TFAP2B: variants seen among roughly 807,000 people sequenced by gnomAD.
The protein encoded by TFAP2B is transcription factor AP-2 beta.
Under a neutral mutation model 44.3 loss-of-function variants are expected in TFAP2B, and 9 were observed. That is an observed-to-expected ratio of 0.20 (90% CI 0.12 to 0.35). The LOEUF is 0.35. Among genes scored for constraint, TFAP2B ranks in the 10% least tolerant of loss-of-function variants. TFAP2B has a pLI of 1.00. For missense variants in TFAP2B, 509 were observed against 600.0 expected, an observed-to-expected ratio of 0.85 and a Z score of 1.59; for synonymous variants, 270 against 263.8, an observed-to-expected ratio of 1.02 and a Z score of -0.23.
intron 1 of TFAP2B, among the ~76,000 whole-genome samples, chr6:50,822,624 TTCATTTTCACA>T (rs1770384123): frequency 6.6e-6 from 1 of 152,208 alleles, no homozygotes; most frequent in South Asian, 2.1e-4. Context: ...CTTTAGTTCC[TTCATTTTCACA>T]TCCTGAGTAT....
chr6:50,834,811 A>AT (rs755171142), intron 3 of TFAP2B, among the ~76,000 whole-genome samples: 1 of 152,166 alleles, frequency 6.6e-6, no homozygotes, highest in Non-Finnish European at 1.5e-5. Context: ...GTTTCCAAAG[A>AT]TTTTTTGGAC....
rs1762837693 is a variant in TFAP2B at position 50,845,906 on chromosome 6, T to C, written c.*2514T>C. 2 of 152,556 alleles carry C rather than the reference T, an allele frequency of 1.3e-5. No homozygotes were observed. The highest frequency in any genetic ancestry group is 6.5e-5 in the Admixed American group (1 of 15,280). The allele number at this position is 152,556 out of a possible 1,614,324, so 9.5% of individuals were successfully genotyped here. On this transcript the variant is annotated 3_prime_UTR_variant, in exon 7 of 7. Transcript: ENST00000393655. Reference sequence around the variant, plus strand: ...TAAGGCGACCGAGAAAGCCCCATTCTCCAGTAGGTAATGGGGCGGCGCCCG... The same window carrying C: ...TAAGGCGACCGAGAAAGCCCCATTCCCCAGTAGGTAATGGGGCGGCGCCCG...
intron 1 of TFAP2B, among the ~76,000 whole-genome samples, chr6:50,820,203 T>C (rs569773975): frequency 2.6e-5 from 4 of 151,992 alleles, no homozygotes; most frequent in Non-Finnish European, 5.9e-5. Flanking sequence ...GGTGGAGGGA[T>C]GCAGAGGCTC....
Position 50,823,522 on chromosome 6 carries a change from A to T in TFAP2B, c.197A>T (p.Gln66Leu). The change falls in exon 2 of 7, where the codon CAG becomes CTG. Residue 66 changes from glutamine (Q) to leucine (L), a missense_variant. By Grantham distance (113) the Gln-to-Leu change is moderately radical. This residue lies in a region of TFAP2B where 296 missense variants were observed against 308.2 expected (regional missense o/e 0.96). Coordinates refer to ENST00000393655, the MANE Select transcript of TFAP2B (RefSeq NM_003221.4). ...PLSHTPSSDF[Q>L]PPYFPPPYQP... ...TCCCACACCCCGTCGTCGGACTTCC[A>T]GCCGCCCTACTTCCCACCCCCCTAC... 1 of 1,611,574 alleles carries T rather than the reference A, an allele frequency of 6.2e-7. No homozygotes were observed. Among genetic ancestry groups the T allele is most frequent in the Non-Finnish European group, 8.5e-7 (1 of 1,179,458 alleles).
chr6:50,823,038 C>T (rs1193285982), intron 1 of TFAP2B, among the ~76,000 whole-genome samples: 2 of 152,194 alleles, frequency 1.3e-5, no homozygotes, highest in African/African-American at 4.8e-5. Context: ...AAGACTCCTA[C>T]AATTTTAATT....
chr6:50,838,328 C>T (rs1050558803), intron 5 of TFAP2B, among the ~76,000 whole-genome samples: 2 of 152,176 alleles, frequency 1.3e-5, no homozygotes, highest in African/African-American at 2.4e-5. Flanking sequence ...GAAAAGTGCT[C>T]AGGTCCAGCC....
chr6:50,819,722 G>GC (rs1482694647), intron 1 of TFAP2B, among the ~76,000 whole-genome samples: 1 of 152,222 alleles, frequency 6.6e-6, no homozygotes, highest in East Asian at 1.9e-4. Flanking sequence ...GACGCCAGCC[G>GC]CCTCCGGGGC....
Position 50,830,244 on chromosome 6 carries a change from G to A in TFAP2B, c.601+1565G>A, listed in dbSNP as rs141495327. 5 of 944,424 alleles carry A rather than the reference G, an allele frequency of 5.3e-6. No homozygotes were observed. The East Asian group carries it at 5.8e-4, about 110-fold the overall frequency. The allele number at this position is 944,424 out of a possible 1,614,324, so 58.5% of individuals were successfully genotyped here. ...TTCTGTATCCTAGCAACATCATTTG[G>A]GCTGGCAGGGGAACATGCCCAACAG... On this transcript the variant is annotated intron_variant, in intron 3 of 6. Transcript: ENST00000393655.
intron 2 of TFAP2B, among the ~76,000 whole-genome samples, chr6:50,826,610 G>A (rs1303482303): frequency 1.3e-5 from 2 of 151,872 alleles, no homozygotes; most frequent in Non-Finnish European, 2.9e-5. Flanking sequence ...TCTAGTTGGG[G>A]AGGGGGCTAC....
At chr6:50,827,609 C>G (rs929186199) in intron 2 of TFAP2B, among the ~76,000 whole-genome samples, 1 of 152,146 alleles carries the variant, frequency 6.6e-6, no homozygotes, top group African/African-American at 2.4e-5. Context: ...TTTTACTTCT[C>G]TATAAAGTGG....
chr6:50,822,033 C>A, intron 1 of TFAP2B: 10 of 650,462 alleles, frequency 1.5e-5, no homozygotes, highest in Non-Finnish European at 2.3e-5. Context: ...GGAAACACAT[C>A]AAGCTCAGCT....
rs1485615239 is a variant in TFAP2B at position 50,840,277 on chromosome 6, G to A, written c.1062G>A (p.Lys354=). The A allele has an allele frequency of 1.9e-6, 3 of 1,613,872 alleles. No individual in the cohort carries two copies. The highest frequency in any genetic ancestry group is 2.5e-6 in the Non-Finnish European group (3 of 1,180,042). ...HTDPSDLHSR[K]NMLLATKQLC... The stretch of plus-strand genomic sequence containing the variant: ...ACCCGAGTGACCTGCACTCCCGAAA[G>A]AATATGCTGTTGGCCACCAAGTGAG... The change falls in exon 6 of 7, where the codon AAG becomes AAA. Residue 354 remains lysine (K), a synonymous_variant. Coordinates refer to ENST00000393655, the MANE Select transcript of TFAP2B (RefSeq NM_003221.4).
intron 5 of TFAP2B, among the ~76,000 whole-genome samples, chr6:50,839,769 T>A (rs1338989356): frequency 6.6e-6 from 1 of 152,228 alleles, no homozygotes; most frequent in South Asian, 2.1e-4. Flanking sequence ...ATGGTCACTT[T>A]TAAATTTTAT....
At position 50,836,312 on chromosome 6, in the gene TFAP2B, C is replaced by CA. The variant is rs570816904; in HGVS notation, c.821+39dup. On this transcript the variant is annotated intron_variant, in intron 4 of 6. Coordinates refer to ENST00000393655, the MANE Select transcript of TFAP2B (RefSeq NM_003221.4). ...CCACCACGAAAAACAAAAACAAAAA[C>CA]AAAAAAACAAACAAAAACCCACCAG... 1,929 of 1,574,984 alleles carry CA rather than the reference C, an allele frequency of 1.2e-3. 1 individual carries two copies. Among genetic ancestry groups the CA allele is most frequent in the Non-Finnish European group, 1.6e-3 (1,782 of 1,148,820 alleles).
In TFAP2B at chr6:50,823,833, G is replaced by C. The variant is rs369404717; in HGVS notation, c.508G>C (p.Gly170Arg). 3 of 1,563,834 alleles carry C rather than the reference G, an allele frequency of 1.9e-6. No homozygotes were observed. Among genetic ancestry groups the C allele is most frequent in the Non-Finnish European group, 2.6e-6 (3 of 1,155,172 alleles). The part of the protein sequence containing the change: ...AGMGDSLSLH[G>R]LGHPGMEDVQ... ...CATGGGTGACAGCCTCTCGCTGCAC[G>C]GCCTCGGCCATCCCGGAATGGAAGA... is the stretch of plus-strand genomic sequence containing the variant. The change falls in exon 2 of 7, where the codon GGC (glycine) becomes CGC (arginine). Residue 170 changes from glycine (G) to arginine (R), a missense_variant. By Grantham distance (125) the Gly-to-Arg change is moderately radical. This residue lies in a region of TFAP2B where 296 missense variants were observed against 308.2 expected (regional missense o/e 0.96). Transcript: ENST00000393655.
At chr6:50,838,625 G>T (rs970240067) in intron 5 of TFAP2B, among the ~76,000 whole-genome samples, 11 of 152,132 alleles carry the variant, frequency 7.2e-5, no homozygotes, top group South Asian at 2.1e-4. Flanking sequence ...GGGAGGAGGG[G>T]TGAAGAAATA....
At chr6:50,842,867 G>A (rs1401338813) in intron 6 of TFAP2B, among the ~76,000 whole-genome samples, 1 of 152,204 alleles carries the variant, frequency 6.6e-6, no homozygotes, top group Non-Finnish European at 1.5e-5. Context: ...GGGAAGGCAA[G>A]GCTTTGGGGT....
intron 3 of TFAP2B, among the ~76,000 whole-genome samples, chr6:50,831,264 G>A (rs995174501): frequency 3.9e-5 from 6 of 152,196 alleles, no homozygotes; most frequent in Non-Finnish European, 7.3e-5. Flanking sequence ...GAGAGCAAAC[G>A]AGTGGAGTGA....
At chr6:50,824,123 CT>C (rs1326972137) in intron 2 of TFAP2B, among the ~76,000 whole-genome samples, 1 of 152,186 alleles carries the variant, frequency 6.6e-6, no homozygotes, top group African/African-American at 2.4e-5. Context: ...TATGTATTTG[CT>C]TTGATACCTT....
Sources: allele counts gnomAD v4.1 joint callset (sites outside exome capture counted in the v4.1 genomes callset), GRCh38; gene constraint gnomAD v4.1.1; regional missense constraint gnomAD v4.1.1; transcripts MANE v1.5; gene names NCBI Gene and HGNC (gene_info 2026-07-23, HGNC 2026-07-21).